The following THSD7B variants were observed in gnomAD, a reference collection of about 807,000 sequenced individuals.
THSD7B encodes thrombospondin type-1 domain-containing protein 7B.
In THSD7B, 138 loss-of-function variants were observed where a neutral mutation model predicts 213.6. That is an observed-to-expected ratio of 0.65 (90% CI 0.56 to 0.74). The LOEUF (loss-of-function observed/expected upper bound fraction) is 0.74, where lower values mean the gene tolerates loss of function less well. THSD7B is among the 30% of genes least tolerant of loss of function. The pLI, the probability that THSD7B is intolerant of heterozygous loss-of-function variation, is 0.00. For missense variants in THSD7B, 1,931 were observed against 1,991.5 expected (o/e 0.97, Z 0.58); for synonymous variants, 742 against 687.0 (o/e 1.08, Z -1.25).
intron 14 of THSD7B, among the ~76,000 whole-genome samples, chr2:137,428,172 A>T (rs1366583141): frequency 6.6e-6 from 1 of 152,120 alleles, no homozygotes; most frequent in Non-Finnish European, 1.5e-5. Flanking sequence ...TTCTTCAAAG[A>T]CAATACAAAA....
intron 2 of THSD7B, among the ~76,000 whole-genome samples, chr2:136,932,942 G>GAGGC (rs748972096): frequency 6.2e-4 from 94 of 152,256 alleles, no homozygotes; most frequent in South Asian, 1.7e-3. Context: ...GAAGGCACCA[G>GAGGC]AGGCAGTAGG....
intron 1 of THSD7B, among the ~76,000 whole-genome samples, chr2:136,782,951 A>G (rs1681770354): frequency 6.6e-6 from 1 of 152,232 alleles, no homozygotes; most frequent in Admixed American, 6.5e-5. Context: ...ACAGAGGAAG[A>G]TCACATTATG....
intron 4 of THSD7B, among the ~76,000 whole-genome samples, chr2:137,102,296 G>T (rs1325245724): frequency 2.0e-5 from 3 of 152,144 alleles, no homozygotes; most frequent in African/African-American, 7.2e-5. Context: ...GCAGCAGAGG[G>T]GCCTGACTGT....
rs999203221 is a variant in THSD7B at position 136,769,477 on chromosome 2, A to G, written c.-36+3790A>G. On this transcript the variant is annotated intron_variant, in intron 1 of 27. Coordinates refer to ENST00000409968, the MANE Select transcript of THSD7B (RefSeq NM_001316349.2). ...TAAAACTTTGAAACTAACTCTAGAG[A>G]TGCTGTAGAATAGTTTCACTGCTGG... Among the ~76,000 whole-genome samples the G allele has an allele frequency of 2.0e-5, 3 of 152,290 alleles. No individual in the cohort carries two copies. The South Asian group carries it at 6.2e-4, about 32-fold the overall frequency.
chr2:136,892,774 G>T (rs1252203572), intron 2 of THSD7B, among the ~76,000 whole-genome samples: 1 of 152,008 alleles, frequency 6.6e-6, no homozygotes, highest in Non-Finnish European at 1.5e-5. Flanking sequence ...CACAAGCCTT[G>T]CCCCTTCTTA....
chr2:137,208,955 T>G (rs1019092162), intron 7 of THSD7B, among the ~76,000 whole-genome samples: 2 of 152,116 alleles, frequency 1.3e-5, no homozygotes, highest in Admixed American at 1.3e-4. Context: ...TAACTATGCC[T>G]GCATCTTAGC....
At chr2:137,571,643 T>C (rs866563266) in intron 16 of THSD7B, among the ~76,000 whole-genome samples, 1 of 152,220 alleles carries the variant, frequency 6.6e-6, no homozygotes, top group Non-Finnish European at 1.5e-5. Context: ...TATAGTGGTA[T>C]AACACTTTGG....
intron 1 of THSD7B, among the ~76,000 whole-genome samples, chr2:136,766,177 C>T (rs535314364): frequency 6.6e-6 from 1 of 152,266 alleles, no homozygotes; most frequent in East Asian, 1.9e-4. Flanking sequence ...TTTCCTTTCC[C>T]GTAGCGCTGA....
chr2:137,623,976 T>G (rs1682572059), intron 20 of THSD7B, among the ~76,000 whole-genome samples: 2 of 152,182 alleles, frequency 1.3e-5, no homozygotes, highest in Non-Finnish European at 2.9e-5. Flanking sequence ...TGGAAAAAAC[T>G]ACTTTAAAGT....
At chr2:137,369,138 G>A (rs1301440436) in intron 12 of THSD7B, among the ~76,000 whole-genome samples, 1 of 131,006 alleles carries the variant, frequency 7.6e-6, no homozygotes, top group African/African-American at 2.8e-5. Context: ...TTGGAGGGGG[G>A]GCGGGGGGGA....
intron 12 of THSD7B, among the ~76,000 whole-genome samples, chr2:137,356,173 G>A (rs954318084): frequency 7.2e-5 from 11 of 151,994 alleles, no homozygotes; most frequent in African/African-American, 2.7e-4. Context: ...ATCACGGTGG[G>A]CTAACAAATT....
At position 136,954,740 on chromosome 2, in the gene THSD7B, T is replaced by TAAAAAAAAAAAAAAAAAAG. The variant is rs773677139; in HGVS notation, c.139+72424_139+72425insAAAAAAAAAAAAAAAAAGA. Reference sequence around the variant, plus strand: ...AAAAAAAAAAAAAAAAAAAAGAAATTACATAAGAGCTTTTATACTGTTTAT... The same window carrying TAAAAAAAAAAAAAAAAAAG: ...AAAAAAAAAAAAAAAAAAAAGAAATTAAAAAAAAAAAAAAAAAAGACATAAGAGCTTTTATACTGTTTAT... On this transcript the variant is annotated intron_variant, in intron 2 of 27. Coordinates refer to ENST00000409968, the MANE Select transcript of THSD7B (RefSeq NM_001316349.2). 6.5e-4 allele frequency among the ~76,000 whole-genome samples: 90 copies of TAAAAAAAAAAAAAAAAAAG among 137,468 alleles called. 3 individuals are homozygous for TAAAAAAAAAAAAAAAAAAG. Among genetic ancestry groups the TAAAAAAAAAAAAAAAAAAG allele is most frequent in the African/African-American group, 2.6e-3 (84 of 32,312 alleles). The allele number at this position is 137,468 out of a possible 152,430, so 90.2% of individuals were successfully genotyped here. A position where few individuals can be genotyped will look rare whatever the true frequency, so the allele number is the denominator to read the frequency against.
rs75123577 is a variant in THSD7B, at chr2:137,458,449, C to G, written c.3138+7426C>G. Among the ~76,000 whole-genome samples the G allele has an allele frequency of 8.4e-3, 1,276 of 152,236 alleles. 18 individuals are homozygous for G. Among genetic ancestry groups the G allele is most frequent in the African/African-American group, 0.028 (1,181 of 41,544 alleles). ...GTACTGATAAAGCCATGTTTCATCT[C>G]CTGTTACAATTCTTTCAAAAAAATG... On this transcript the variant is annotated intron_variant, in intron 15 of 27. Transcript: ENST00000409968.
At position 137,620,675 on chromosome 2, in the gene THSD7B, C is replaced by T. The variant is rs1409645242; in HGVS notation, c.3748C>T (p.Leu1250Phe). The T allele has an allele frequency of 4.3e-6, 7 of 1,613,834 alleles. No individual in the cohort carries two copies. Among genetic ancestry groups the T allele is most frequent in the Admixed American group, 1.7e-5 (1 of 60,006 alleles). The change falls in exon 20 of 28, where the codon CTC becomes TTC. Residue 1250 changes from leucine to phenylalanine, a missense_variant. Transcript: ENST00000409968. ...GGTGGAATGCGTGGTCAACTGTCAG[C>T]TCTCAGGGTGGACGGCTTGGACAGA... ...CLVECVVNCQ[L>F]SGWTAWTECS... is the part of the protein sequence containing the mutation.
At chr2:137,181,278 G>T (rs1680449334) in intron 7 of THSD7B, among the ~76,000 whole-genome samples, 1 of 152,164 alleles carries the variant, frequency 6.6e-6, no homozygotes, top group Non-Finnish European at 1.5e-5. Context: ...TCATCGTAGA[G>T]ATATTCCTAG....
chr2:137,178,861 C>T (rs1558948562), intron 7 of THSD7B, among the ~76,000 whole-genome samples: 1 of 152,174 alleles, frequency 6.6e-6, no homozygotes. Context: ...TCTTTTTTCT[C>T]CTTTAGAAAG....
intron 2 of THSD7B, among the ~76,000 whole-genome samples, chr2:136,935,674 T>C (rs985433149): frequency 2.0e-5 from 3 of 152,138 alleles, no homozygotes; most frequent in Non-Finnish European, 4.4e-5. Context: ...GAAGATGTTA[T>C]ATGTGACTGG....
At chr2:137,332,788 C>T (rs1371559974) in intron 12 of THSD7B, among the ~76,000 whole-genome samples, 1 of 152,076 alleles carries the variant, frequency 6.6e-6, no homozygotes, top group African/African-American at 2.4e-5. Flanking sequence ...GGGGCTTCTC[C>T]CTTCGCTCAG....
intron 10 of THSD7B, among the ~76,000 whole-genome samples, chr2:137,261,043 G>A (rs1422631074): frequency 1.3e-5 from 2 of 152,072 alleles, no homozygotes; most frequent in African/African-American, 4.8e-5. Context: ...AAACTTGTGG[G>A]CTTCAGCAAT....
Sources: allele counts gnomAD v4.1 joint callset (sites outside exome capture counted in the v4.1 genomes callset), GRCh38; gene constraint gnomAD v4.1.1; transcripts MANE v1.5; gene names NCBI Gene and HGNC (gene_info 2026-07-23, HGNC 2026-07-21).